Variants in AGBL1 observed in about 807,000 individuals in gnomAD.
The protein encoded by AGBL1 is cytosolic carboxypeptidase 4.
In AGBL1, 130 loss-of-function variants were observed where a neutral mutation model predicts 118.9. The observed-to-expected ratio is 1.09, with a 90% CI of 0.95 to 1.26. The LOEUF (loss-of-function observed/expected upper bound fraction) is 1.26. Among genes scored for constraint, AGBL1 ranks in the 50% most tolerant of loss-of-function variants. The probability of loss-of-function intolerance (pLI) is 0.00; values close to 1 mark genes in which losing one functional copy is unlikely to be tolerated. For missense variants in AGBL1, 1,584 were observed against 1,298.1 expected (o/e 1.22, Z -3.38); for synonymous variants, 555 against 478.9 (o/e 1.16, Z -2.08).
rs545453496 is a variant in AGBL1 at position 86,341,986 on chromosome 15, T to C, written c.2374+46578T>C. Among the ~76,000 whole-genome samples, 38 of 152,340 alleles carry C rather than the reference T, an allele frequency of 2.5e-4. No individual in the cohort carries two copies. In the Middle Eastern group the frequency reaches 0.014, roughly 55 times the overall value. On this transcript the variant is annotated intron_variant, in intron 17 of 22. Transcript: ENST00000614907. ...TATTTCGTGAACCCAGATGTTAAAA[T>C]AAGTAATTACTTTCTGAAATACTGG...
At chr15:86,543,634 A>C (rs907828512) in intron 19 of AGBL1, among the ~76,000 whole-genome samples, 1 of 152,218 alleles carries the variant, frequency 6.6e-6, no homozygotes, top group African/African-American at 2.4e-5. Context: ...AGATACAGGA[A>C]AAATAAGTAC....
intron 20 of AGBL1, among the ~76,000 whole-genome samples, chr15:86,551,186 A>G (rs1295776243): frequency 3.3e-5 from 5 of 152,096 alleles, no homozygotes; most frequent in Admixed American, 1.3e-4. Flanking sequence ...AATAAGTGCA[A>G]ATAAATCCCA....
At chr15:86,837,224 C>CAAAAA (rs71230682) in intron 22 of AGBL1, among the ~76,000 whole-genome samples, 1 of 137,522 alleles carries the variant, frequency 7.3e-6, no homozygotes. Context: ...TCCTGACTAT[C>CAAAAA]AAAAAAAAAA....
chr15:86,755,897 T>G (rs2077932041), intron 22 of AGBL1, among the ~76,000 whole-genome samples: 1 of 152,106 alleles, frequency 6.6e-6, no homozygotes, highest in African/African-American at 2.4e-5. Context: ...TCAGTCAGAT[T>G]GTGCACAGCT....
intron 18 of AGBL1, among the ~76,000 whole-genome samples, chr15:86,497,591 T>A (rs530058740): frequency 2.0e-5 from 3 of 151,964 alleles, no homozygotes; most frequent in Non-Finnish European, 4.4e-5. Flanking sequence ...TGCCCCTAGG[T>A]TAGGGACCTG....
At chr15:86,844,198 C>T (rs555153698) in intron 22 of AGBL1, among the ~76,000 whole-genome samples, 117 of 152,292 alleles carry the variant, frequency 7.7e-4, no homozygotes, top group Non-Finnish European at 1.4e-3. Context: ...TGAACACTCA[C>T]ATACTAATCA....
At chr15:86,803,554 A>G (rs2078678466) in intron 22 of AGBL1, among the ~76,000 whole-genome samples, 1 of 152,210 alleles carries the variant, frequency 6.6e-6, no homozygotes, top group South Asian at 2.1e-4. Flanking sequence ...GTAAGAGTCA[A>G]CTCTGGCATC....
chr15:86,692,658 T>C (rs1596375194), intron 22 of AGBL1, among the ~76,000 whole-genome samples: 1 of 152,132 alleles, frequency 6.6e-6, no homozygotes, highest in East Asian at 1.9e-4. Context: ...GTATTGGTTA[T>C]ATGAGTAAGT....
intron 21 of AGBL1, among the ~76,000 whole-genome samples, chr15:86,631,623 G>A (rs553984578): frequency 6.6e-6 from 1 of 152,244 alleles, no homozygotes; most frequent in African/African-American, 2.4e-5. Context: ...TGAGATGTAT[G>A]GGGCAGCCTG....
intron 24 of AGBL1, among the ~76,000 whole-genome samples, chr15:87,005,821 G>A (rs141910793): frequency 6.6e-6 from 1 of 152,192 alleles, no homozygotes; most frequent in East Asian, 1.9e-4. Context: ...CCATCTTTGT[G>A]GTTTTATCTA....
intron 22 of AGBL1, among the ~76,000 whole-genome samples, chr15:86,710,147 C>G (rs1596392578): frequency 6.8e-6 from 1 of 146,426 alleles, no homozygotes; most frequent in Admixed American, 7.1e-5. Flanking sequence ...CTCATCATCC[C>G]TTACAGGAAG....
chr15:86,712,649 A>G (rs2086578922), intron 22 of AGBL1, among the ~76,000 whole-genome samples: 2 of 152,224 alleles, frequency 1.3e-5, no homozygotes, highest in Non-Finnish European at 2.9e-5. Context: ...GGAAAGAGCT[A>G]AAATGCTGTC....
At chr15:86,416,181 A>T (rs1338765303) in intron 18 of AGBL1, among the ~76,000 whole-genome samples, 1 of 152,180 alleles carries the variant, frequency 6.6e-6, no homozygotes. Flanking sequence ...TTGAGTAGAG[A>T]TGACTAAATA....
chr15:86,187,086 A>G (rs2077644067), intron 5 of AGBL1, among the ~76,000 whole-genome samples: 1 of 152,250 alleles, frequency 6.6e-6, no homozygotes, highest in Non-Finnish European at 1.5e-5. Context: ...GTTTAAGCAA[A>G]AACATCCAAA....
chr15:86,381,585 C>G (rs1265572526), intron 17 of AGBL1, among the ~76,000 whole-genome samples: 3 of 152,060 alleles, frequency 2.0e-5, no homozygotes, highest in Non-Finnish European at 4.4e-5. Context: ...TGAAATGACC[C>G]ATGCTATGGT....
chr15:86,841,905 C>T (rs535683584), intron 22 of AGBL1, among the ~76,000 whole-genome samples: 7 of 152,094 alleles, frequency 4.6e-5, no homozygotes, highest in Non-Finnish European at 8.8e-5. Context: ...AGCTCTACCA[C>T]TTATTAAATA....
intron 22 of AGBL1, among the ~76,000 whole-genome samples, chr15:86,902,327 TTA>T (rs1291026638): frequency 1.3e-5 from 2 of 152,162 alleles, no homozygotes; most frequent in African/African-American, 4.8e-5. Flanking sequence ...TGATATCTCA[TTA>T]TAGTCTTAAT....
chr15:86,510,799 T>C (rs2142177642), intron 18 of AGBL1, among the ~76,000 whole-genome samples: 1 of 152,126 alleles, frequency 6.6e-6, no homozygotes. Context: ...CAGTTTTAAT[T>C]TAGAGTTGAC....
chr15:86,144,221 A>C (rs1473719637), intron 3 of AGBL1, among the ~76,000 whole-genome samples: 1 of 152,222 alleles, frequency 6.6e-6, no homozygotes, highest in African/African-American at 2.4e-5. Context: ...TGTTGGTGGG[A>C]GTATAAGTTA....
Sources: gnomAD v4.1 joint callset for allele counts (sites outside exome capture counted in the v4.1 genomes callset) on GRCh38, gnomAD v4.1.1 for gene constraint, MANE v1.5 for transcripts, NCBI Gene and HGNC (gene_info 2026-07-23, HGNC 2026-07-21) for gene names.